Variants in TXNL1 observed in about 807,000 individuals in gnomAD.
The protein encoded by TXNL1 is thioredoxin like 1.
Under a neutral mutation model 35.5 loss-of-function variants are expected in TXNL1, and 14 were observed. That is an observed-to-expected ratio of 0.39 (90% CI 0.26 to 0.62). The LOEUF (loss-of-function observed/expected upper bound fraction) is 0.62, where lower values mean the gene tolerates loss of function less well. TXNL1 is among the 20% of genes least tolerant of loss of function. The pLI is 0.47. For missense variants in TXNL1, 263 were observed against 349.7 expected (o/e 0.75, Z 1.98); for synonymous variants, 110 against 115.5 (o/e 0.95, Z 0.31).
chr18:56,626,049 A>G (rs1295569795), intron 2 of TXNL1: 2 of 345,120 alleles, frequency 5.8e-6, no homozygotes, highest in Admixed American at 1.1e-4. Context: ...CCTCGGGGGT[A>G]GAAGATATAA....
At chr18:56,612,789 A>G (rs1414319450) in intron 6 of TXNL1, among the ~76,000 whole-genome samples, 1 of 152,186 alleles carries the variant, frequency 6.6e-6, no homozygotes, top group Non-Finnish European at 1.5e-5. Flanking sequence ...ATATTTGATA[A>G]TGAGTATACT....
At chr18:56,617,595 A>G (rs1312670752) in intron 4 of TXNL1, among the ~76,000 whole-genome samples, 2 of 152,244 alleles carry the variant, frequency 1.3e-5, no homozygotes, top group Non-Finnish European at 2.9e-5. Flanking sequence ...AAGCATAGGG[A>G]ATATAATACA....
chr18:56,606,541 G>A (rs945771604), intron 7 of TXNL1, among the ~76,000 whole-genome samples: 11 of 152,234 alleles, frequency 7.2e-5, no homozygotes, highest in African/African-American at 2.6e-4. Flanking sequence ...ATTCTATCAA[G>A]GGTGCCCATA....
At position 56,638,469 on chromosome 18, in the gene TXNL1, C is replaced by T. The variant is rs1158502359; in HGVS notation, c.-29G>A. 6.3e-7 allele frequency: 1 copy of T among 1,599,894 alleles called. No individual in the cohort carries two copies. Among genetic ancestry groups the T allele is most frequent in the East Asian group, 2.2e-5 (1 of 44,480 alleles). ...CACAGAGAGCCCGGCAGGGTGGCCG[C>T]GACGCCACTGGCTTTGAAACTGAAG... On this transcript the variant is annotated 5_prime_UTR_variant, in exon 1 of 8. Coordinates refer to ENST00000217515, the MANE Select transcript of TXNL1 (RefSeq NM_004786.3).
chr18:56,628,096 G>C (rs1382191720), intron 1 of TXNL1, among the ~76,000 whole-genome samples: 2 of 152,102 alleles, frequency 1.3e-5, no homozygotes. Context: ...TATCCAAACA[G>C]TCAATAAATA....
intron 1 of TXNL1, among the ~76,000 whole-genome samples, chr18:56,628,057 C>A (rs2024315053): frequency 6.6e-6 from 1 of 152,054 alleles, no homozygotes; most frequent in South Asian, 2.1e-4. Context: ...AAAGAATGAA[C>A]CCTTGAATAG....
intron 7 of TXNL1, chr18:56,605,413 A>G (rs1312159600): frequency 1.3e-5 from 2 of 152,234 alleles, no homozygotes; most frequent in Non-Finnish European, 2.9e-5. Flanking sequence ...GAAATGTTAC[A>G]AAAATAGCTG....
intron 1 of TXNL1, among the ~76,000 whole-genome samples, chr18:56,632,025 C>T (rs547350951): frequency 3.9e-5 from 6 of 152,146 alleles, no homozygotes; most frequent in East Asian, 3.9e-4. Context: ...GATGACCTGC[C>T]CAACACCAAA....
At position 56,607,993 on chromosome 18, in the gene TXNL1, T is replaced by C. The variant is rs141970256; in HGVS notation, c.840+3000A>G. 5.3e-4 allele frequency among the ~76,000 whole-genome samples: 81 copies of C among 152,328 alleles called. 1 individual carries two copies. Among genetic ancestry groups the C allele is most frequent in the Non-Finnish European group, 8.4e-4 (57 of 68,032 alleles). The stretch of plus-strand genomic sequence containing the variant: ...GCACTATTGTAAACTTGAACCATCA[T>C]AAGTTGGGAACCATCTGTATAGGAA... On this transcript the variant is annotated intron_variant, in intron 7 of 7. Transcript: ENST00000217515.
At chr18:56,628,320 C>T (rs2024319090) in intron 1 of TXNL1, among the ~76,000 whole-genome samples, 2 of 152,172 alleles carry the variant, frequency 1.3e-5, no homozygotes, top group Admixed American at 6.5e-5. Context: ...TGCTAAAATA[C>T]ACCAACCCAT....
intron 6 of TXNL1, among the ~76,000 whole-genome samples, chr18:56,613,516 A>C (rs2024030053): frequency 6.6e-6 from 1 of 152,196 alleles, no homozygotes; most frequent in Non-Finnish European, 1.5e-5. Context: ...CTCAAGCACT[A>C]GTCAATCTTC....
chr18:56,617,045 A>C (rs2144303359), intron 4 of TXNL1, among the ~76,000 whole-genome samples: 1 of 152,316 alleles, frequency 6.6e-6, no homozygotes, highest in East Asian at 1.9e-4. Flanking sequence ...GCTGATTAGC[A>C]TTATTACATT....
chr18:56,614,634 C>T (rs1286909792), intron 5 of TXNL1, 38 bp from the exon 6 acceptor site: 3 of 1,519,012 alleles, frequency 2.0e-6, no homozygotes, highest in Admixed American at 3.7e-5. Flanking sequence ...GTTTAAAAAC[C>T]TCAAATATAC....
At chr18:56,617,626 G>A (rs2024111356) in intron 4 of TXNL1, among the ~76,000 whole-genome samples, 1 of 152,178 alleles carries the variant, frequency 6.6e-6, no homozygotes. Context: ...TAGGAGAAAG[G>A]AATTAGCCAC....
intron 4 of TXNL1, 58 bp from the exon 5 acceptor site, chr18:56,616,372 C>G: frequency 7.0e-7 from 1 of 1,422,682 alleles, no homozygotes; most frequent in Non-Finnish European, 9.7e-7. Context: ...AGTACATAAA[C>G]TACTGAAGCA....
chr18:56,638,252 A>G, intron 1 of TXNL1, 91 bp downstream of exon 1: 4 of 1,353,580 alleles, frequency 3.0e-6, no homozygotes, highest in Non-Finnish European at 3.0e-6. Context: ...ACTCCGGGGC[A>G]GCAGACGGCT....
At position 56,620,159 on chromosome 18, in the gene TXNL1, G is replaced by A. The variant is rs1367882386; in HGVS notation, c.370-2033C>T. On this transcript the variant is annotated intron_variant, in intron 3 of 7. Coordinates refer to ENST00000217515, the MANE Select transcript of TXNL1 (RefSeq NM_004786.3). Reference sequence around the variant, plus strand: ...ACTTTTTGTATTTTTAGTAGAGATGGGCTTTCACAATGGCCAGGCTGGTCT... The same window carrying A: ...ACTTTTTGTATTTTTAGTAGAGATGAGCTTTCACAATGGCCAGGCTGGTCT... Among the ~76,000 whole-genome samples the A allele has an allele frequency of 2.0e-5, 3 of 152,072 alleles. No individual in the cohort carries two copies. The East Asian group carries it at 5.8e-4, about 29-fold the overall frequency.
chr18:56,626,423 T>C lies in TXNL1; in HGVS notation c.133A>G (p.Ser45Gly), dbSNP rs1486260147. ...GPCLRIAPAF[S>G]SMSNKYPQAV... The stretch of plus-strand genomic sequence containing the variant: ...TGTGGATATTTATTACTCATAGAAC[T>C]GAATGCTGGGGCAATCCTCAAACAT... The change falls in exon 2 of 8, where the codon AGT (serine) becomes GGT (glycine). Residue 45 changes from serine to glycine, a missense_variant. Transcript: ENST00000217515. 1 of 1,613,458 alleles carries C rather than the reference T, an allele frequency of 6.2e-7. No homozygotes were observed. The highest frequency in any genetic ancestry group is 8.5e-7 in the Non-Finnish European group (1 of 1,179,708).
chr18:56,615,478 G>GC (rs556014816), intron 5 of TXNL1, among the ~76,000 whole-genome samples: 1 of 147,092 alleles, frequency 6.8e-6, no homozygotes, highest in South Asian at 2.2e-4. Context: ...AATGGGGGGG[G>GC]GCAAAAAAGG....
Sources: gnomAD v4.1 joint callset for allele counts (sites outside exome capture counted in the v4.1 genomes callset) on GRCh38, gnomAD v4.1.1 for gene constraint, MANE v1.5 for transcripts, NCBI Gene and HGNC (gene_info 2026-07-23, HGNC 2026-07-21) for gene names.